Variants in PHRF1 observed in about 807,000 individuals in gnomAD.
The protein encoded by PHRF1 is PHD and ring finger domains 1, also known as PHD and RING finger domain-containing protein 1.
In PHRF1, 53 loss-of-function variants were observed where a neutral mutation model predicts 128.9. That is an observed-to-expected ratio of 0.41 (90% CI 0.33 to 0.52). The LOEUF (loss-of-function observed/expected upper bound fraction) is 0.52. Among genes scored for constraint, PHRF1 ranks in the 20% least tolerant of loss-of-function variants. The probability of loss-of-function intolerance (pLI) is 0.21; values close to 1 mark genes in which losing one functional copy is unlikely to be tolerated. For synonymous variants in PHRF1, 1,178 were observed against 980.6 expected, an observed-to-expected ratio of 1.20 and a Z score of -3.76; for missense variants, 2,503 against 2,284.5, an observed-to-expected ratio of 1.10 and a Z score of -1.95.
rs192870743 is a variant in PHRF1 at position 587,684 on chromosome 11, G to A, written c.420+220G>A. Among the ~76,000 whole-genome samples, 132 of 152,290 alleles carry A rather than the reference G, an allele frequency of 8.7e-4. 1 individual carries two copies. The highest frequency in any genetic ancestry group is 3.0e-3 in the African/African-American group (126 of 41,560). On this transcript the variant is annotated intron_variant, in intron 4 of 17. Transcript: ENST00000264555. ...TGAGGCGTTTGTGGTGTATTGGTCA[G>A]GGGCAGGAGAGAGGATGGCCGTGGG...
In PHRF1 at chr11:584,931, T is replaced by C. The variant is rs144218558; in HGVS notation, c.215-2328T>C. ...TTTTGTATTGTTATTCGAGATGGGG[T>C]TTCACCATGTTGGCCAGGCTGGTCT... On this transcript the variant is annotated intron_variant, in intron 3 of 17. Coordinates refer to ENST00000264555, the MANE Select transcript of PHRF1 (RefSeq NM_001286581.2). Among the ~76,000 whole-genome samples the C allele has an allele frequency of 6.8e-3, 1,038 of 152,148 alleles. 14 individuals are homozygous for C. The highest frequency in any genetic ancestry group is 0.024 in the African/African-American group (987 of 41,514).
intron 1 of PHRF1, among the ~76,000 whole-genome samples, chr11:580,878 G>A (rs1412986771): frequency 6.6e-6 from 1 of 152,036 alleles, no homozygotes; most frequent in African/African-American, 2.4e-5. Context: ...TAGTAGAGAC[G>A]GGGTTTCATC....
At chr11:593,926 C>T (rs1207554696) in intron 6 of PHRF1, among the ~76,000 whole-genome samples, 1 of 152,188 alleles carries the variant, frequency 6.6e-6, no homozygotes, top group Non-Finnish European at 1.5e-5. Context: ...TCCTCACCTC[C>T]TCAGGGTTCC....
intron 11 of PHRF1, 44 bp downstream of exon 11, chr11:605,344 C>G: frequency 6.3e-7 from 1 of 1,599,324 alleles, no homozygotes; most frequent in Non-Finnish European, 8.5e-7. Context: ...CCGCTCCTCT[C>G]CCTGGGGGCT....
At chr11:585,067 C>T (rs1854449239) in intron 3 of PHRF1, among the ~76,000 whole-genome samples, 1 of 152,140 alleles carries the variant, frequency 6.6e-6, no homozygotes, top group South Asian at 2.1e-4. Flanking sequence ...GAAGAAGTAG[C>T]CAGTGGGTCC....
chr11:611,723 G>A lies in PHRF1; in HGVS notation c.4896G>A (p.Arg1632=), dbSNP rs749733694. The change falls in exon 18 of 18, where the codon AGG becomes AGA. Residue 1632 remains arginine, a synonymous_variant. Coordinates refer to ENST00000264555, the MANE Select transcript of PHRF1 (RefSeq NM_001286581.2). ...TGGACAAGTACAGGCACATGCGCAG[G>A]CACAAGAAACCAGAGGCCGGGGAGG... ...AYVDKYRHMR[R]HKKPEAGEEP... The A allele has an allele frequency of 1.9e-6, 3 of 1,612,892 alleles. No homozygotes were observed. The highest frequency in any genetic ancestry group is 2.5e-6 in the Non-Finnish European group (3 of 1,179,806).
In PHRF1 at chr11:597,427, C is replaced by T. The variant is rs763723282; in HGVS notation, c.751C>T (p.Leu251=). ...AGPVSEEEVS[L]LLADVVPTTS... Reference sequence around the variant, plus strand: ...TCCCGTGAGTGAGGAGGAGGTCTCCCTGCTCTTGGCTGATGTGGTGCCCAC... The same window carrying T: ...TCCCGTGAGTGAGGAGGAGGTCTCCTTGCTCTTGGCTGATGTGGTGCCCAC... The change falls in exon 8 of 18, where the codon CTG becomes TTG. Residue 251 remains leucine (L), a synonymous_variant. Coordinates refer to ENST00000264555, the MANE Select transcript of PHRF1 (RefSeq NM_001286581.2). This position sits in a 1 kb window ranked among gnomAD's most constrained non-coding sequence, Gnocchi z 6.5. The T allele has an allele frequency of 1.9e-6, 3 of 1,612,950 alleles. No individual in the cohort carries two copies. The highest frequency in any genetic ancestry group is 3.3e-5 in the Admixed American group (2 of 59,900).
intron 6 of PHRF1, among the ~76,000 whole-genome samples, chr11:596,147 T>G (rs1855262600): frequency 6.6e-6 from 1 of 152,208 alleles, no homozygotes; most frequent in Non-Finnish European, 1.5e-5. Context: ...AGGGAAATCA[T>G]CAGCTTGACT....
chr11:591,935 G>A (rs1360235871), intron 5 of PHRF1, among the ~76,000 whole-genome samples: 1 of 139,596 alleles, frequency 7.2e-6, no homozygotes, highest in Admixed American at 7.3e-5. Flanking sequence ...TTTTTCCCGA[G>A]ACAAGAGTCT....
rs1042113511 is a variant in PHRF1 at position 582,295 on chromosome 11, C to T, written c.214+214C>T. On this transcript the variant is annotated intron_variant, in intron 3 of 17. Transcript: ENST00000264555. The stretch of plus-strand genomic sequence containing the variant: ...TTTTTTTTTTTTTGAGACAGGGTGT[C>T]GCTCTGTTGCCCAGGCTGGAGTACA... Among the ~76,000 whole-genome samples, 112 of 144,956 alleles carry T rather than the reference C, an allele frequency of 7.7e-4. 1 individual carries two copies. Among genetic ancestry groups the T allele is most frequent in the South Asian group, 1.3e-3 (6 of 4,652 alleles).
In PHRF1 at chr11:603,369, G is replaced by A. The variant is rs138030319; in HGVS notation, c.1152+1668G>A. Among the ~76,000 whole-genome samples the A allele has an allele frequency of 3.3e-3, 499 of 152,132 alleles. 2 individuals are homozygous for A. Among genetic ancestry groups the A allele is most frequent in the South Asian group, 0.025 (120 of 4,806 alleles). On this transcript the variant is annotated intron_variant, in intron 10 of 17. Coordinates refer to ENST00000264555, the MANE Select transcript of PHRF1 (RefSeq NM_001286581.2). ...TGGGGCGGGAACAAAGTCTGGTTCT[G>A]TTACCCGGGCTGGAGTGCAGTGACA...
intron 1 of PHRF1, among the ~76,000 whole-genome samples, chr11:580,199 G>C (rs189061540): frequency 6.6e-6 from 1 of 152,210 alleles, no homozygotes; most frequent in Admixed American, 6.5e-5. Context: ...CCTTTCCTCC[G>C]AGAGTCGCCT....
chr11:606,421 G>A, intron 12 of PHRF1, 21 bp from the exon 13 acceptor site: 1 of 1,535,320 alleles, frequency 6.5e-7, no homozygotes, highest in African/African-American at 1.4e-5. Flanking sequence ...TGACGGCAGG[G>A]CCTTGGGTCT....
intron 8 of PHRF1, 65 bp from the exon 9 acceptor site, chr11:598,308 T>C: frequency 6.5e-7 from 1 of 1,550,172 alleles, no homozygotes; most frequent in Non-Finnish European, 8.7e-7. Context: ...GGGCTCCATT[T>C]GGGGTCTGTG....
At position 597,653 on chromosome 11, in the gene PHRF1, T is replaced by G; in HGVS notation, c.894+83T>G. 6.8e-7 allele frequency: 1 copy of G among 1,481,430 alleles called. No homozygotes were observed. The highest frequency in any genetic ancestry group is 9.1e-7 in the Non-Finnish European group (1 of 1,101,722). The allele number at this position is 1,481,430 out of a possible 1,614,324, so 91.8% of individuals were successfully genotyped here. The stretch of plus-strand genomic sequence containing the variant: ...GCAGTCTGGGTGGGTGGGAGGGGCG[T>G]CGTCGGCACTGTGGGGTCCGCCCGG... On this transcript the variant is annotated intron_variant, in intron 8 of 17. Transcript: ENST00000264555. This position sits in a 1 kb window ranked among gnomAD's most constrained non-coding sequence, Gnocchi z 6.5.
rs200753321 is a variant in PHRF1 at position 607,237 on chromosome 11, G to A, written c.1781G>A (p.Arg594His). 66 of 1,612,204 alleles carry A rather than the reference G, an allele frequency of 4.1e-5. 1 individual carries two copies. The Admixed American group carries it at 6.7e-4, about 16-fold the overall frequency. ...CAAGGCAGGTCCCGCACCCCCGCCCGCACCGCGGGGGCGCCTGTGAGGCTG... is the reference window on the plus strand; with the variant it reads ...CAAGGCAGGTCCCGCACCCCCGCCCACACCGCGGGGGCGCCTGTGAGGCTG... ...SCQGRSRTPA[R>H]TAGAPVRLDL... is the part of the protein sequence containing the mutation. Residue 594 changes from arginine to histidine, a missense_variant, in exon 14 of 18, where the codon CGC becomes CAC. Physicochemically the swap from Arg to His is conservative, Grantham distance 29 (BLOSUM62 0). Coordinates refer to ENST00000264555, the MANE Select transcript of PHRF1 (RefSeq NM_001286581.2).
Position 597,122 on chromosome 11 carries a change from G to A in PHRF1, c.718+102G>A. ...GGCTGCTGTGTGGGGAGGACATCTA[G>A]GGCTGTCTCATGGGGGTTAGGGTTG... On this transcript the variant is annotated intron_variant, in intron 7 of 17. Transcript: ENST00000264555. This position sits in a 1 kb window ranked among gnomAD's most constrained non-coding sequence, Gnocchi z 6.5. 2.4e-6 allele frequency: 3 copies of A among 1,263,560 alleles called. No homozygotes were observed. The highest frequency in any genetic ancestry group is 3.3e-6 in the Non-Finnish European group (3 of 898,298). The allele number at this position is 1,263,560 out of a possible 1,614,324, so 78.3% of individuals were successfully genotyped here. A position where few individuals can be genotyped will look rare whatever the true frequency, so the allele number is the denominator to read the frequency against.
intron 10 of PHRF1, among the ~76,000 whole-genome samples, chr11:603,151 G>A (rs1399757984): frequency 6.6e-6 from 1 of 151,902 alleles, no homozygotes; most frequent in Non-Finnish European, 1.5e-5. Context: ...ACCTCCCCAG[G>A]CCCAGGTGAT....
intron 8 of PHRF1, among the ~76,000 whole-genome samples, chr11:598,017 C>T (rs1159564667): frequency 6.6e-6 from 1 of 152,100 alleles, no homozygotes; most frequent in Non-Finnish European, 1.5e-5. Context: ...GTGGTGTGTG[C>T]CCTTGGCAAG....
Sources: gnomAD v4.1 joint callset for allele counts (sites outside exome capture counted in the v4.1 genomes callset) on GRCh38, gnomAD v4.1.1 for gene constraint, Gnocchi (gnomAD v3.1) non-coding constraint, MANE v1.5 for transcripts, NCBI Gene and HGNC (gene_info 2026-07-23, HGNC 2026-07-21) for gene names.